The following RBFOX1 variants were observed in gnomAD, a reference collection of about 807,000 sequenced individuals.
The protein encoded by RBFOX1 is RNA binding protein fox-1 homolog 1.
Under a neutral mutation model 57.7 loss-of-function variants are expected in RBFOX1, and 8 were observed. The observed-to-expected ratio is 0.14, with a 90% CI of 0.08 to 0.25. The LOEUF is 0.25. Among genes scored for constraint, RBFOX1 ranks in the 10% least tolerant of loss-of-function variants. The pLI is 1.00. For missense variants in RBFOX1, 611 were observed against 548.5 expected (o/e 1.11, Z -1.14); for synonymous variants, 326 against 222.4 (o/e 1.47, Z -4.15).
intron 1 of RBFOX1, among the ~76,000 whole-genome samples, chr16:5,359,812 A>C (rs2065492859): frequency 6.6e-6 from 1 of 152,162 alleles, no homozygotes; most frequent in African/African-American, 2.4e-5. Context: ...TTAGCATTTA[A>C]CAGGGAACTG....
chr16:7,095,856 C>CA (rs571061596), intron 4 of RBFOX1, among the ~76,000 whole-genome samples: 1,551 of 151,548 alleles, frequency 0.01, 16 homozygotes, highest in Non-Finnish European at 0.016. Flanking sequence ...ACTAAAAATA[C>CA]AAAAAAATTA....
At chr16:5,631,570 A>C (rs1052740961) in intron 3 of RBFOX1, among the ~76,000 whole-genome samples, 7 of 152,052 alleles carry the variant, frequency 4.6e-5, no homozygotes, top group Admixed American at 3.3e-4. Context: ...AAAAAAAAAA[A>C]AGTGTCTCTT....
intron 3 of RBFOX1, among the ~76,000 whole-genome samples, chr16:5,758,935 A>G (rs1458181112): frequency 6.6e-6 from 1 of 152,150 alleles, no homozygotes; most frequent in African/African-American, 2.4e-5. Flanking sequence ...GCGAAAGGAA[A>G]TAGTTAGTGG....
chr16:6,423,561 T>C (rs1385461327), intron 2 of RBFOX1, among the ~76,000 whole-genome samples: 1 of 152,104 alleles, frequency 6.6e-6, no homozygotes, highest in African/African-American at 2.4e-5. Context: ...ATTGTGCCAG[T>C]GCACTCCAGC....
chr16:5,440,910 A>G (rs2068065179), intron 1 of RBFOX1, among the ~76,000 whole-genome samples: 1 of 152,174 alleles, frequency 6.6e-6, no homozygotes, highest in African/African-American at 2.4e-5. Context: ...TCGAAAGGTC[A>G]CGCACCTGGT....
chr16:6,950,283 C>T (rs1419447120), intron 3 of RBFOX1, among the ~76,000 whole-genome samples: 1 of 151,948 alleles, frequency 6.6e-6, no homozygotes, highest in South Asian at 2.1e-4. Context: ...TTTGCAGAAC[C>T]ATGCTCCCCT....
intron 3 of RBFOX1, among the ~76,000 whole-genome samples, chr16:5,673,305 G>C (rs1032514212): frequency 2.0e-5 from 3 of 152,072 alleles, no homozygotes; most frequent in Admixed American, 2.0e-4. Context: ...CTGGCACCCA[G>C]GAGCCAGGCA....
chr16:6,882,802 G>A (rs1357345960), intron 3 of RBFOX1, among the ~76,000 whole-genome samples: 1 of 151,950 alleles, frequency 6.6e-6, no homozygotes, highest in Non-Finnish European at 1.5e-5. Flanking sequence ...TTCCTGGGGG[G>A]TATCAATTCT....
rs142078120 is a variant in RBFOX1, at chr16:5,733,659, A to G, written c.319-133644A>G. ...TGTCCACTTGCAGAGAGCTTTCCCA[A>G]ACACCCTTGTGTCCTTCCTCTTTCC... On this transcript the variant is annotated intron_variant, in intron 3 of 19. Transcript: ENST00000641259. Among the ~76,000 whole-genome samples, 834 of 151,716 alleles carry G rather than the reference A, an allele frequency of 5.5e-3. 7 individuals are homozygous for G. Among genetic ancestry groups the G allele is most frequent in the African/African-American group, 0.019 (793 of 41,380 alleles).
intron 1 of RBFOX1, among the ~76,000 whole-genome samples, chr16:6,284,397 C>G (rs2076690521): frequency 6.6e-6 from 1 of 152,114 alleles, no homozygotes; most frequent in Admixed American, 6.5e-5. Context: ...AGTCACTGTG[C>G]TAATGAGGCC....
chr16:7,654,053 C>T lies in RBFOX1; in HGVS notation c.890+106C>T, dbSNP rs2065737169. The stretch of plus-strand genomic sequence containing the variant: ...GATGGTCTTGACTCCCCCTCCGCCA[C>T]CCCCAGAACCGCCCCCAGCATGCAG... On this transcript the variant is annotated intron_variant, in intron 12 of 15. Coordinates refer to ENST00000550418, the MANE Select transcript of RBFOX1 (RefSeq NM_018723.4). 3 of 1,208,520 alleles carry T rather than the reference C, an allele frequency of 2.5e-6. No individual in the cohort carries two copies. The South Asian group carries it at 4.8e-5, about 19-fold the overall frequency. 74.9% of individuals were successfully genotyped at this position (1,208,520 alleles called of 1,614,324 possible).
At chr16:5,712,843 C>T (rs960870055) in intron 3 of RBFOX1, among the ~76,000 whole-genome samples, 1 of 152,180 alleles carries the variant, frequency 6.6e-6, no homozygotes, top group Admixed American at 6.5e-5. Flanking sequence ...CTTGACTCCA[C>T]CCAACTTCCA....
chr16:5,454,932 TTCCTTCCTTCCTTC>T (rs1567535609), intron 1 of RBFOX1, among the ~76,000 whole-genome samples: 2,387 of 63,280 alleles, frequency 0.038, 73 homozygotes, highest in East Asian at 0.045. Context: ...TCTTTCTTCC[TTCCTTCCTTCCTTC>T]CTTCCTTCCT....
At chr16:7,383,923 A>T (rs917653421) in intron 4 of RBFOX1, among the ~76,000 whole-genome samples, 1 of 152,028 alleles carries the variant, frequency 6.6e-6, no homozygotes, top group African/African-American at 2.4e-5. Context: ...GCATGGTGGC[A>T]TGTGCCTGTA....
At chr16:7,355,970 G>A (rs918899442) in intron 4 of RBFOX1, among the ~76,000 whole-genome samples, 5 of 152,208 alleles carry the variant, frequency 3.3e-5, no homozygotes, top group Admixed American at 3.3e-4. Context: ...GTGAGAGAGG[G>A]CATTTACTTG....
In RBFOX1 at chr16:5,821,195, G is replaced by C. The variant is rs78960613; in HGVS notation, c.319-46108G>C. Among the ~76,000 whole-genome samples, 469 of 152,220 alleles carry C rather than the reference G, an allele frequency of 3.1e-3. 9 individuals are homozygous for C. Among genetic ancestry groups the C allele is most frequent in the Non-Finnish European group, 5.0e-4 (34 of 68,010 alleles). On this transcript the variant is annotated intron_variant, in intron 3 of 19. Coordinates refer to the RBFOX1 transcript ENST00000641259. ...CGTCTGGCCTGGGAGATAACATGGG[G>C]GGCTGCCTCAGATGCTGAAGCCTAA...
At chr16:6,344,748 T>C (rs928086742) in intron 2 of RBFOX1, among the ~76,000 whole-genome samples, 9 of 131,954 alleles carry the variant, frequency 6.8e-5, no homozygotes, top group African/African-American at 2.7e-4. Flanking sequence ...TGGAGTGCAG[T>C]GATATGATCT....
chr16:6,938,800 G>C (rs1335477383), intron 3 of RBFOX1, among the ~76,000 whole-genome samples: 1 of 152,076 alleles, frequency 6.6e-6, no homozygotes, highest in Admixed American at 6.6e-5. Flanking sequence ...GGTGTGGTGG[G>C]TTGTGCCTGT....
rs1392095398 is a variant in RBFOX1, at chr16:6,019,614, G to C, written c.-505G>C. 5 of 1,242,198 alleles carry C rather than the reference G, an allele frequency of 4.0e-6. No homozygotes were observed. Among genetic ancestry groups the C allele is most frequent in the Non-Finnish European group, 5.0e-6 (5 of 992,154 alleles). The allele number at this position is 1,242,198 out of a possible 1,614,324, so 76.9% of individuals were successfully genotyped here. ...GCTGAAGAAGGAAGGAGTGAGCCGA[G>C]CCGAGCACCCCACATCTGGAGGGGA... On this transcript the variant is annotated 5_prime_UTR_variant, in exon 1 of 16. Transcript: ENST00000550418. This position sits in a 1 kb window ranked among gnomAD's most constrained non-coding sequence, Gnocchi z 4.2.
Sources: allele counts gnomAD v4.1 joint callset (sites outside exome capture counted in the v4.1 genomes callset), GRCh38; gene constraint gnomAD v4.1.1; non-coding constraint Gnocchi (gnomAD v3.1); transcripts MANE v1.5; gene names NCBI Gene and HGNC (gene_info 2026-07-23, HGNC 2026-07-21).